CCNC: variants seen among roughly 807,000 people sequenced by gnomAD.
CCNC encodes cyclin C, also known as cyclin-C.
A neutral mutation model predicts 50.0 loss-of-function variants in CCNC; 19 were observed. The ratio of observed to expected loss-of-function variants is 0.38; its 90% CI spans 0.27 to 0.56. CCNC has a LOEUF of 0.56. Among genes scored for constraint, CCNC ranks in the 20% least tolerant of loss-of-function variants. The pLI, the probability that CCNC is intolerant of heterozygous loss-of-function variation, is 0.72. For missense variants in CCNC, 200 were observed against 327.1 expected (o/e 0.61, Z 3.00); for synonymous variants, 93 against 103.7 (o/e 0.90, Z 0.63).
At chr6:99,560,125 T>C (rs1177559828) in intron 4 of CCNC, among the ~76,000 whole-genome samples, 3 of 152,218 alleles carry the variant, frequency 2.0e-5, no homozygotes, top group African/African-American at 2.4e-5. Context: ...ACAAGTAAGA[T>C]AGATTAAAAT....
rs561466985 is a variant in CCNC at position 99,543,317 on chromosome 6, T to C, written c.*238A>G. On this transcript the variant is annotated 3_prime_UTR_variant, in exon 12 of 12. Transcript: ENST00000520429. The stretch of plus-strand genomic sequence containing the variant: ...AGCTATTAATTTTGAAATGTCTATG[T>C]ATGTCTGTCTGTAGGTCCCCTTAGA... 81 of 415,674 alleles carry C rather than the reference T, an allele frequency of 1.9e-4. No individual in the cohort carries two copies. Among genetic ancestry groups the C allele is most frequent in the Non-Finnish European group, 2.9e-4 (67 of 233,274 alleles). The allele number at this position is 415,674 out of a possible 1,614,324, so 25.7% of individuals were successfully genotyped here.
chr6:99,544,562 A>G (rs1801998392), intron 11 of CCNC, among the ~76,000 whole-genome samples: 1 of 152,080 alleles, frequency 6.6e-6, no homozygotes, highest in Non-Finnish European at 1.5e-5. Flanking sequence ...ATACACCCCA[A>G]TAACAACAAA....
chr6:99,550,713 T>C (rs1257339826), intron 7 of CCNC: 1 of 249,134 alleles, frequency 4.0e-6, no homozygotes, highest in Non-Finnish European at 7.6e-6. Flanking sequence ...ACATAATTTA[T>C]GGTGGTTTAA....
chr6:99,555,230 T>TC (rs1359084748), intron 5 of CCNC, among the ~76,000 whole-genome samples: 1 of 152,180 alleles, frequency 6.6e-6, no homozygotes, highest in Non-Finnish European at 1.5e-5. Context: ...TCAACACCTT[T>TC]CCCCCAATTC....
intron 4 of CCNC, 33 bp from the exon 5 acceptor site, chr6:99,558,581 A>C (rs778591868): frequency 1.3e-6 from 2 of 1,573,246 alleles, no homozygotes; most frequent in South Asian, 2.3e-5. Flanking sequence ...ATGTTAACCC[A>C]ATGAATCTAA....
At chr6:99,568,679 G>T, upstream of CCNC, 1 of 1,498,216 alleles carries the variant, frequency 6.7e-7, no homozygotes, top group African/African-American at 1.4e-5. Context: ...GAAGAGGATG[G>T]CCCCCTAGTC....
intron 1 of CCNC, among the ~76,000 whole-genome samples, chr6:99,567,608 C>T (rs980574761): frequency 2.6e-5 from 4 of 152,042 alleles, no homozygotes; most frequent in Non-Finnish European, 4.4e-5. Context: ...TTCACAGAAT[C>T]GAAATTTAAA....
intron 11 of CCNC, among the ~76,000 whole-genome samples, chr6:99,544,455 C>A (rs1174789630): frequency 6.6e-6 from 1 of 152,012 alleles, no homozygotes; most frequent in African/African-American, 2.4e-5. Flanking sequence ...TTCTTTATTT[C>A]CCTTCTGACT....
Position 99,568,638 on chromosome 6 carries a change from C to A in CCNC, c.-111G>T. On this transcript the variant is annotated 5_prime_UTR_variant, in exon 1 of 12. Coordinates refer to ENST00000520429, the MANE Select transcript of CCNC (RefSeq NM_005190.4). ...GCTCCTCGATCAAATCAGCTCGGCTCGACTCCGCTCCGCGGCGGCGACGGC... is the reference window on the plus strand; with the variant it reads ...GCTCCTCGATCAAATCAGCTCGGCTAGACTCCGCTCCGCGGCGGCGACGGC... 2 of 1,540,850 alleles carry A rather than the reference C, an allele frequency of 1.3e-6. No individual in the cohort carries two copies. The highest frequency in any genetic ancestry group is 2.4e-5 in the South Asian group (2 of 83,288).
chr6:99,551,523 G>C (rs1054462962), intron 6 of CCNC, among the ~76,000 whole-genome samples: 2 of 152,232 alleles, frequency 1.3e-5, no homozygotes, highest in African/African-American at 4.8e-5. Flanking sequence ...AGTATCACCT[G>C]GGACCTTTTA....
Position 99,544,014 on chromosome 6 carries a change from CAAAA to C in CCNC, c.798-409_798-406del, listed in dbSNP as rs58452257. ...TTTATGAAAAACAAGAAGTGTTCTTCAAAAAAAAAAAAAAACCAAAACTGTTGTC... is the reference window on the plus strand; with the variant it reads ...TTTATGAAAAACAAGAAGTGTTCTTCAAAAAAAAAAACCAAAACTGTTGTC... On this transcript the variant is annotated intron_variant, in intron 11 of 11. Coordinates refer to ENST00000520429, the MANE Select transcript of CCNC (RefSeq NM_005190.4). 5,724 of 1,019,306 alleles carry C rather than the reference CAAAA, an allele frequency of 5.6e-3. 1 individual carries two copies. Among genetic ancestry groups the C allele is most frequent in the East Asian group, 0.022 (557 of 25,356 alleles). 63.1% of individuals were successfully genotyped at this position (1,019,306 alleles called of 1,614,324 possible). A position where few individuals can be genotyped will look rare whatever the true frequency, so the allele number is the denominator to read the frequency against.
chr6:99,545,145 C>G lies in CCNC; in HGVS notation c.764G>C (p.Ser255Thr). Reference sequence around the variant, plus strand: ...AGGTGGTTTTGGTTTTGGCATCTTACTAAGAATGGTTGCCATCTCTTTTCT... The same window carrying G: ...AGGTGGTTTTGGTTTTGGCATCTTAGTAAGAATGGTTGCCATCTCTTTTCT... Reference protein sequence around the residue: ...DERKEMATILSKMPKPKPPPN... With the variant: ...DERKEMATILTKMPKPKPPPN... The change falls in exon 11 of 12, where the codon AGT (serine) becomes ACT (threonine). Residue 255 changes from serine (S) to threonine (T), a missense_variant. Transcript: ENST00000520429. 2.5e-6 allele frequency: 4 copies of G among 1,609,288 alleles called. No homozygotes were observed. Among genetic ancestry groups the G allele is most frequent in the Non-Finnish European group, 3.4e-6 (4 of 1,175,794 alleles).
intron 1 of CCNC, 197 bp downstream of exon 1, chr6:99,568,299 C>G: frequency 1.7e-6 from 1 of 598,908 alleles, no homozygotes; most frequent in South Asian, 2.0e-5. Context: ...CAGATCCTTC[C>G]CTCCCCGAAA....
chr6:99,544,524 A>G (rs1176169631), intron 11 of CCNC, among the ~76,000 whole-genome samples: 1 of 152,136 alleles, frequency 6.6e-6, no homozygotes, highest in Non-Finnish European at 1.5e-5. Flanking sequence ...ACTGAACTAA[A>G]TGAACACATC....
chr6:99,567,652 A>C (rs1769194801), intron 1 of CCNC, among the ~76,000 whole-genome samples: 1 of 152,260 alleles, frequency 6.6e-6, no homozygotes. Flanking sequence ...ATAAAAAATT[A>C]TACCAAGATA....
Position 99,564,839 on chromosome 6 carries a change from G to A in CCNC, c.33-1891C>T, listed in dbSNP as rs531354518. Among the ~76,000 whole-genome samples the A allele has an allele frequency of 7.2e-5, 11 of 152,088 alleles. No homozygotes were observed. In the South Asian group the frequency reaches 2.3e-3, roughly 32 times the overall value. On this transcript the variant is annotated intron_variant, in intron 1 of 11. Transcript: ENST00000520429. ...AGCAAGGCCTTTCCTGATTCAAAAC[G>A]ATAAAAAACAATTCACCCATATTTT...
chr6:99,567,256 G>A (rs941533512), intron 1 of CCNC, among the ~76,000 whole-genome samples: 22 of 151,698 alleles, frequency 1.5e-4, no homozygotes, highest in Non-Finnish European at 2.6e-4. Context: ...TTCTTTCAGA[G>A]TTTATCAGAA....
At chr6:99,550,411 G>C (rs1310223029) in intron 7 of CCNC, 102 bp from the exon 8 acceptor site, 1 of 761,072 alleles carries the variant, frequency 1.3e-6, no homozygotes, top group Non-Finnish European at 2.2e-6. Context: ...ATTTCAAAGT[G>C]AATTTCACTA....
intron 11 of CCNC, chr6:99,544,190 G>A: frequency 1.3e-6 from 2 of 1,522,864 alleles, no homozygotes; most frequent in Non-Finnish European, 1.8e-6. Flanking sequence ...AGTAACTTTG[G>A]CAATAGGATT....
Sources: gnomAD v4.1 joint callset for allele counts (sites outside exome capture counted in the v4.1 genomes callset) on GRCh38, gnomAD v4.1.1 for gene constraint, MANE v1.5 for transcripts, NCBI Gene and HGNC (gene_info 2026-07-23, HGNC 2026-07-21) for gene names.